Variants in MROH7 observed in about 807,000 individuals in gnomAD.
MROH7 encodes maestro heat like repeat family member 7, also known as maestro heat-like repeat-containing protein family member 7.
MROH7 carries 113 observed loss-of-function variants against 129.2 expected under a neutral mutation model. The observed-to-expected ratio is 0.87, with a 90% CI of 0.75 to 1.02. The LOEUF is 1.02. Ranked by LOEUF, MROH7 falls within the 50% of genes least tolerant of loss-of-function variation. MROH7 has a pLI of 0.00. For missense variants in MROH7, 1,601 were observed against 1,671.3 expected (o/e 0.96, Z 0.73); for synonymous variants, 655 against 667.9 (o/e 0.98, Z 0.30).
chr1:54,699,741 G>A (rs2101210218), intron 17 of MROH7: 1 of 280,734 alleles, frequency 3.6e-6, no homozygotes, highest in African/African-American at 2.2e-5. Flanking sequence ...CTGTTGGATA[G>A]GGGAGGCAGA....
chr1:54,666,932 G>T (rs1644824025), intron 4 of MROH7, among the ~76,000 whole-genome samples: 1 of 152,168 alleles, frequency 6.6e-6, no homozygotes, highest in South Asian at 2.1e-4. Flanking sequence ...AAGGAACTTT[G>T]ACTTCATCTT....
intron 1 of MROH7, among the ~76,000 whole-genome samples, chr1:54,642,803 C>T (rs1470378959): frequency 4.6e-5 from 7 of 151,114 alleles, no homozygotes; most frequent in South Asian, 2.1e-4. Context: ...TTTGTAGTGA[C>T]GCGGTTTTGC....
Position 54,665,147 on chromosome 1 carries a change from A to G in MROH7, c.1232-20A>G. The G allele has an allele frequency of 6.2e-7, 1 of 1,607,088 alleles. No individual in the cohort carries two copies. On this transcript the variant is annotated intron_variant, in intron 3 of 23. Transcript: ENST00000421030. ...ACATCACAGCTTTATCCACCTTCTCATTGAAATCGTGCCCTGCAGGAGCCT... is the reference window on the plus strand; with the variant it reads ...ACATCACAGCTTTATCCACCTTCTCGTTGAAATCGTGCCCTGCAGGAGCCT...
intron 3 of MROH7, among the ~76,000 whole-genome samples, chr1:54,660,120 G>C (rs1313471947): frequency 6.6e-6 from 1 of 152,174 alleles, no homozygotes; most frequent in Non-Finnish European, 1.5e-5. Flanking sequence ...CAAAATGCCT[G>C]AGACTGAGTA....
intron 7 of MROH7, among the ~76,000 whole-genome samples, chr1:54,671,488 G>T (rs1644903683): frequency 6.6e-6 from 1 of 152,236 alleles, no homozygotes; most frequent in Non-Finnish European, 1.5e-5. Context: ...ATGGCCAGGG[G>T]AAGCGGCCAG....
rs779111741 is a variant in MROH7 at position 54,665,215 on chromosome 1, CAG to C, written c.1282_1283del (p.Glu428ArgfsTer9). 1.1e-5 allele frequency: 17 copies of C among 1,613,728 alleles called. No homozygotes were observed. The highest frequency in any genetic ancestry group is 9.9e-5 in the South Asian group (9 of 91,060). The stretch of plus-strand genomic sequence containing the variant: ...TGCCTGGTGAAGGTGCCAGAGAAGA[CAG>C]AAGGTGGCAACAACATGGCTCTGGT... On this transcript the variant is annotated frameshift_variant, in exon 4 of 24. Transcript: ENST00000421030. LOFTEE classifies it high-confidence loss of function.
chr1:54,668,902 G>A lies in MROH7; in HGVS notation c.1354G>A (p.Glu452Lys). 6.2e-7 allele frequency: 1 copy of A among 1,612,000 alleles called. No individual in the cohort carries two copies. Among genetic ancestry groups the A allele is most frequent in the Non-Finnish European group, 8.5e-7 (1 of 1,178,826 alleles). Residue 452 changes from glutamate to lysine, a missense_variant, in exon 5 of 24, where the codon GAA becomes AAA. Physicochemically the swap from Glu to Lys is moderately conservative, Grantham distance 56. Coordinates refer to ENST00000421030, the MANE Select transcript of MROH7 (RefSeq NM_001039464.4). ...GAAGAGCCAGGATCTGCTGGAGGCA[G>A]AAGGAGAAAAGAAGACCATGATAAA... ...LQKSQDLLEA[E>K]GEKKTMIKKI...
intron 18 of MROH7, 42 bp downstream of exon 18, chr1:54,700,503 A>G: frequency 6.5e-7 from 1 of 1,531,742 alleles, no homozygotes; most frequent in African/African-American, 1.4e-5. Context: ...GCCAGGCCCC[A>G]GACTGGAGGA....
In MROH7 at chr1:54,697,352, T is replaced by A. The variant is rs982496141; in HGVS notation, c.2964+1862T>A. 10 of 314,704 alleles carry A rather than the reference T, an allele frequency of 3.2e-5. 1 individual carries two copies. Among genetic ancestry groups the A allele is most frequent in the African/African-American group, 1.9e-4 (9 of 47,454 alleles). 19.5% of individuals were successfully genotyped at this position (314,704 alleles called of 1,614,324 possible). Reference sequence around the variant, plus strand: ...AGTTGGGAGAAGGGACCATGTCACATTGGTATTGCACCCCCAGGTCCAGCT... The same window carrying A: ...AGTTGGGAGAAGGGACCATGTCACAATGGTATTGCACCCCCAGGTCCAGCT... On this transcript the variant is annotated intron_variant, in intron 17 of 23. Coordinates refer to ENST00000421030, the MANE Select transcript of MROH7 (RefSeq NM_001039464.4).
chr1:54,706,150 A>G (rs1050212234), intron 21 of MROH7, among the ~76,000 whole-genome samples: 12 of 152,054 alleles, frequency 7.9e-5, no homozygotes, highest in African/African-American at 2.9e-4. Flanking sequence ...CTCACATGCC[A>G]TGTCCATTCC....
Position 54,653,853 on chromosome 1 carries a change from C to T in MROH7, c.927C>T (p.Ser309=). 1.2e-6 allele frequency: 2 copies of T among 1,614,102 alleles called. No individual in the cohort carries two copies. The highest frequency in any genetic ancestry group is 1.7e-6 in the Non-Finnish European group (2 of 1,179,958). Residue 309 remains serine, a synonymous_variant, in exon 3 of 24, where the codon AGC becomes AGT. Coordinates refer to ENST00000421030, the MANE Select transcript of MROH7 (RefSeq NM_001039464.4). ...TLIPGSSYGI[S]LHSSTHEPNS... ...TTCCTGGCTCCAGCTATGGTATCAG[C>T]CTGCACTCCAGCACCCATGAGCCCA...
chr1:54,697,401 G>A (rs1286715226), intron 17 of MROH7: 2 of 395,242 alleles, frequency 5.1e-6, no homozygotes, highest in Non-Finnish European at 9.0e-6. Context: ...AAGAAGTGGG[G>A]ATGGGATGGA....
chr1:54,664,868 C>T (rs542917764), intron 3 of MROH7, among the ~76,000 whole-genome samples: 17 of 152,132 alleles, frequency 1.1e-4, no homozygotes, highest in South Asian at 4.2e-4. Flanking sequence ...AAAAATTAGA[C>T]GGGTGTGATG....
intron 4 of MROH7, among the ~76,000 whole-genome samples, chr1:54,668,210 C>T (rs1644841935): frequency 1.3e-5 from 2 of 152,224 alleles, no homozygotes. Flanking sequence ...CCCAGCATCA[C>T]TTCTACATTA....
rs74602962 is a variant in MROH7, at chr1:54,703,724, G to T, written c.3564+979G>T. On this transcript the variant is annotated intron_variant, in intron 21 of 23. Transcript: ENST00000421030. This position sits in a 1 kb window ranked among gnomAD's most constrained non-coding sequence, Gnocchi z 4.4. ...TGTCATTTGGGAGGATTTGCCCGCG[G>T]TCTCAATCTACCTTCCCTGTTGTTG... 8.6e-3 allele frequency among the ~76,000 whole-genome samples: 1,310 copies of T among 152,228 alleles called. 17 individuals are homozygous for T. Among genetic ancestry groups the T allele is most frequent in the African/African-American group, 0.03 (1,257 of 41,544 alleles).
chr1:54,674,054 G>A lies in MROH7; in HGVS notation c.1839G>A (p.Gly613=), dbSNP rs542534258. Residue 613 remains glycine (G), a synonymous_variant, in exon 10 of 24, where the codon GGG becomes GGA. Transcript: ENST00000421030. ...TCCCGGCGCTGGGGCTTCTGCTGGG[G>A]AGACTCATCCTTCACATTGGGGATC... The part of the protein sequence containing the change: ...LGFPALGLLL[G]RLILHIGDPD... 26 of 1,614,162 alleles carry A rather than the reference G, an allele frequency of 1.6e-5. No individual in the cohort carries two copies. The highest frequency in any genetic ancestry group is 1.9e-5 in the Non-Finnish European group (23 of 1,180,026).
intron 1 of MROH7, among the ~76,000 whole-genome samples, chr1:54,644,871 G>A (rs1644440953): frequency 6.7e-6 from 1 of 150,248 alleles, no homozygotes; most frequent in Non-Finnish European, 1.5e-5. Flanking sequence ...GTACGGTGGT[G>A]CAATCTCAGC....
At chr1:54,697,617 G>A in intron 17 of MROH7, 1 of 699,510 alleles carries the variant, frequency 1.4e-6, no homozygotes, top group South Asian at 1.5e-5. Flanking sequence ...CACTTGTATT[G>A]ACCTCTTTCA....
chr1:54,655,857 C>T lies in MROH7; in HGVS notation c.1231+1700C>T, dbSNP rs1303407082. ...AAAAATTCTTCATAGAAGTCTAGTGCACCCTGGGTTGGGCTAATCGTAGAT... is the reference window on the plus strand; with the variant it reads ...AAAAATTCTTCATAGAAGTCTAGTGTACCCTGGGTTGGGCTAATCGTAGAT... On this transcript the variant is annotated intron_variant, in intron 3 of 23. Transcript: ENST00000421030. 2.6e-5 allele frequency among the ~76,000 whole-genome samples: 4 copies of T among 151,554 alleles called. No homozygotes were observed. In the East Asian group the frequency reaches 7.8e-4, roughly 29 times the overall value.
Sources: allele counts gnomAD v4.1 joint callset (sites outside exome capture counted in the v4.1 genomes callset), GRCh38; gene constraint gnomAD v4.1.1; non-coding constraint Gnocchi (gnomAD v3.1); transcripts MANE v1.5; gene names NCBI Gene and HGNC (gene_info 2026-07-23, HGNC 2026-07-21).